Variants in MTA3 observed in about 807,000 individuals in gnomAD.
The protein encoded by MTA3 is metastasis-associated protein MTA3.
Under a neutral mutation model 83.5 loss-of-function variants are expected in MTA3, and 34 were observed. The observed-to-expected ratio is 0.41, with a 90% CI of 0.31 to 0.54. The LOEUF (loss-of-function observed/expected upper bound fraction) is 0.54. MTA3 is among the 20% of genes least tolerant of loss of function. The pLI, the probability that MTA3 is intolerant of heterozygous loss-of-function variation, is 0.33. For missense variants in MTA3, 761 were observed against 726.4 expected, an observed-to-expected ratio of 1.05 and a Z score of -0.55; for synonymous variants, 303 against 252.7, an observed-to-expected ratio of 1.20 and a Z score of -1.89.
intron 4 of MTA3, among the ~76,000 whole-genome samples, chr2:42,629,378 G>A (rs564180594): frequency 6.6e-4 from 101 of 152,076 alleles, no homozygotes; most frequent in African/African-American, 2.2e-3. Context: ...CGTGCCCAGC[G>A]GATAGAGCAG....
At chr2:42,711,705 G>A (rs1275814949) in intron 14 of MTA3, among the ~76,000 whole-genome samples, 1 of 151,320 alleles carries the variant, frequency 6.6e-6, no homozygotes, top group African/African-American at 2.4e-5. Flanking sequence ...GGCTTGTTAG[G>A]GAGATTAGGT....
intron 8 of MTA3, among the ~76,000 whole-genome samples, chr2:42,676,938 T>A (rs1196771457): frequency 6.6e-6 from 1 of 152,204 alleles, no homozygotes; most frequent in Non-Finnish European, 1.5e-5. Flanking sequence ...TTCATTTTCA[T>A]GAGGTTAGTT....
intron 2 of MTA3, among the ~76,000 whole-genome samples, chr2:42,534,620 T>C (rs1282400278): frequency 2.0e-5 from 3 of 149,772 alleles, no homozygotes; most frequent in African/African-American, 7.4e-5. Context: ...AAAAGAAAAA[T>C]TGTATAAAAT....
chr2:42,655,819 T>C (rs1319532417), intron 6 of MTA3, among the ~76,000 whole-genome samples: 1 of 152,232 alleles, frequency 6.6e-6, no homozygotes, highest in African/African-American at 2.4e-5. Context: ...ACCAGGCTTG[T>C]TTCAAACTTC....
intron 2 of MTA3, among the ~76,000 whole-genome samples, chr2:42,500,892 G>T (rs1043900573): frequency 2.0e-5 from 3 of 149,592 alleles, no homozygotes; most frequent in Admixed American, 1.4e-4. Context: ...CTCACTGCAA[G>T]CTCTGCCTCC....
chr2:42,637,088 T>A (rs1227415440), intron 4 of MTA3, among the ~76,000 whole-genome samples: 3 of 152,220 alleles, frequency 2.0e-5, no homozygotes, highest in Non-Finnish European at 2.9e-5. Flanking sequence ...CGTGTGACTT[T>A]GTTTTGTCGT....
intron 9 of MTA3, among the ~76,000 whole-genome samples, chr2:42,692,837 T>C (rs1215969842): frequency 6.6e-6 from 1 of 152,224 alleles, no homozygotes; most frequent in Non-Finnish European, 1.5e-5. Context: ...TGGATGATGC[T>C]TGTAGATGTT....
At chr2:42,660,431 T>C (rs998637942) in intron 8 of MTA3, among the ~76,000 whole-genome samples, 5 of 152,220 alleles carry the variant, frequency 3.3e-5, no homozygotes, top group South Asian at 4.1e-4. Context: ...ATAGTTGATA[T>C]CTTTTAAATC....
intron 6 of MTA3, among the ~76,000 whole-genome samples, chr2:42,654,128 T>C (rs1688950233): frequency 6.6e-6 from 1 of 152,362 alleles, no homozygotes; most frequent in South Asian, 2.1e-4. Context: ...CTAGCTCTGC[T>C]CTACTCTGTT....
chr2:42,672,202 A>G (rs1316078429), intron 8 of MTA3, among the ~76,000 whole-genome samples: 3 of 152,142 alleles, frequency 2.0e-5, no homozygotes, highest in Admixed American at 1.3e-4. Context: ...TTCTTGTGAT[A>G]ATAATAAAAA....
At chr2:42,622,387 G>C in intron 4 of MTA3, among the ~76,000 whole-genome samples, 2 of 139,700 alleles carry the variant, frequency 1.4e-5, no homozygotes, top group East Asian at 5.1e-4. Context: ...GCATGAGAGG[G>C]AGACCGTGGG....
intron 4 of MTA3, among the ~76,000 whole-genome samples, chr2:42,633,658 G>A (rs773555618): frequency 3.3e-5 from 5 of 151,998 alleles, no homozygotes; most frequent in Admixed American, 6.6e-5. Flanking sequence ...TTGGGAGGCC[G>A]AGGCGGGCGG....
At chr2:42,609,404 C>G (rs1468183147) in intron 3 of MTA3, 54 bp from the exon 4 acceptor site, 1 of 1,524,844 alleles carries the variant, frequency 6.6e-7, no homozygotes, top group Non-Finnish European at 9.0e-7. Context: ...GTTTCAATAT[C>G]CAAACAGATA....
chr2:42,555,219 T>C (rs917827075), intron 2 of MTA3, among the ~76,000 whole-genome samples: 2 of 151,168 alleles, frequency 1.3e-5, no homozygotes, highest in Non-Finnish European at 2.9e-5. Flanking sequence ...ATCCCAGCAA[T>C]TTGGGAGGCC....
chr2:42,504,665 CTT>C (rs373215866), intron 2 of MTA3, among the ~76,000 whole-genome samples: 3 of 143,032 alleles, frequency 2.1e-5, no homozygotes, highest in Non-Finnish European at 1.5e-5. Flanking sequence ...TTTAAGCTTG[CTT>C]TTTTTTTTTT....
intron 2 of MTA3, among the ~76,000 whole-genome samples, chr2:42,499,325 C>T (rs1674291746): frequency 6.6e-6 from 1 of 151,584 alleles, no homozygotes; most frequent in African/African-American, 2.4e-5. Context: ...GCACCATCAC[C>T]CCGGCTAATA....
At chr2:42,615,596 C>T (rs1020940557) in intron 4 of MTA3, among the ~76,000 whole-genome samples, 4 of 151,390 alleles carry the variant, frequency 2.6e-5, no homozygotes, top group Non-Finnish European at 4.4e-5. Context: ...CCTTGTGATC[C>T]GCCCACCTCG....
Position 42,755,455 on chromosome 2 carries a change from G to C in MTA3, c.*2056G>C. 1.0e-6 allele frequency: 1 copy of C among 985,480 alleles called. No homozygotes were observed. The highest frequency in any genetic ancestry group is 1.2e-6 in the Non-Finnish European group (1 of 829,956). 61.0% of individuals were successfully genotyped at this position (985,480 alleles called of 1,614,324 possible). On this transcript the variant is annotated 3_prime_UTR_variant, in exon 17 of 17. Transcript: ENST00000405094. ...CTCCTATCTACCCAGTTGACATTTG[G>C]CTTTGGGAAAAGCGCAGCTTGTTCG...
chr2:42,597,472 A>G (rs1192026507), intron 3 of MTA3, among the ~76,000 whole-genome samples: 2 of 118,432 alleles, frequency 1.7e-5, no homozygotes, highest in Non-Finnish European at 3.4e-5. Context: ...TGCAACCCCC[A>G]CCTCCTGGGT....
Sources: gnomAD v4.1 joint callset for allele counts (sites outside exome capture counted in the v4.1 genomes callset) on GRCh38, gnomAD v4.1.1 for gene constraint, MANE v1.5 for transcripts, NCBI Gene and HGNC (gene_info 2026-07-23, HGNC 2026-07-21) for gene names.